RTKN2: variants seen among roughly 807,000 people sequenced by gnomAD.
The protein encoded by RTKN2 is rhotekin 2, also known as rhotekin-2.
RTKN2 carries 69 observed loss-of-function variants against 71.5 expected under a neutral mutation model. That is an observed-to-expected ratio of 0.96 (90% CI 0.79 to 1.18). RTKN2 has a LOEUF of 1.18. RTKN2 is among the 50% of genes most tolerant of loss of function. The pLI is 0.00. For synonymous variants in RTKN2, 236 were observed against 236.5 expected (o/e 1.00, Z 0.02); for missense variants, 724 against 719.7 (o/e 1.01, Z -0.07).
downstream of RTKN2, among the ~76,000 whole-genome samples, chr10:62,192,822 T>C (rs1045582609): frequency 2.0e-5 from 3 of 152,192 alleles, no homozygotes; most frequent in African/African-American, 7.2e-5. Flanking sequence ...TGGGTTGTAA[T>C]GGTTTCTGTA....
At position 62,193,342 on chromosome 10, in the gene RTKN2, A is replaced by T; in HGVS notation, c.*4566T>A. ...AGCAAACTGCTGGAATTTAAAACACAATTTTCCATAAGATCTGGAATGATC... is the reference window on the plus strand; with the variant it reads ...AGCAAACTGCTGGAATTTAAAACACTATTTTCCATAAGATCTGGAATGATC... On this transcript the variant is annotated 3_prime_UTR_variant, in exon 12 of 12. Coordinates refer to ENST00000373789, the MANE Select transcript of RTKN2 (RefSeq NM_145307.4). The T allele has an allele frequency of 1.0e-6, 1 of 981,082 alleles. No individual in the cohort carries two copies. Among genetic ancestry groups the T allele is most frequent in the Non-Finnish European group, 1.2e-6 (1 of 826,034 alleles). 60.8% of individuals were successfully genotyped at this position (981,082 alleles called of 1,614,324 possible).
At chr10:62,227,598 G>C (rs1322059060) in intron 6 of RTKN2, among the ~76,000 whole-genome samples, 3 of 152,158 alleles carry the variant, frequency 2.0e-5, no homozygotes, top group Admixed American at 1.3e-4. Context: ...GGCACGGTAA[G>C]GAACACTGGA....
At chr10:62,189,505 T>A (rs1473063046), downstream of RTKN2, among the ~76,000 whole-genome samples, 2 of 152,186 alleles carry the variant, frequency 1.3e-5, no homozygotes, top group Non-Finnish European at 1.5e-5. Context: ...CATTCTTCAG[T>A]CTTCTGAGTG....
chr10:62,237,473 A>G (rs186534066), intron 5 of RTKN2, among the ~76,000 whole-genome samples: 63 of 152,062 alleles, frequency 4.1e-4, no homozygotes, highest in Admixed American at 7.2e-4. Flanking sequence ...TCTTAACTCA[A>G]TTTAACCAAT....
At chr10:62,211,003 C>T (rs4453109) in intron 9 of RTKN2, among the ~76,000 whole-genome samples, 3,355 of 152,110 alleles carry the variant, frequency 0.022, 100 homozygotes, top group African/African-American at 0.076. Flanking sequence ...AAGTCTACTA[C>T]ACTAAATAGT....
intron 6 of RTKN2, among the ~76,000 whole-genome samples, chr10:62,226,644 T>C (rs74156138): frequency 0.16 from 25,039 of 152,256 alleles, 2,168 homozygotes; most frequent in African/African-American, 0.19. Context: ...TCTTAACTGC[T>C]GCTAGAACTA....
At chr10:62,227,055 CAGAATATGTTATTTTCA>C (rs1842040647) in intron 6 of RTKN2, among the ~76,000 whole-genome samples, 1 of 152,120 alleles carries the variant, frequency 6.6e-6, no homozygotes, top group South Asian at 2.1e-4. Flanking sequence ...CACTTTAGGG[CAGAATATGTTATTTTCA>C]AGAAAAGATT....
At chr10:62,250,963 T>A (rs1842569451) in intron 2 of RTKN2, among the ~76,000 whole-genome samples, 1 of 152,154 alleles carries the variant, frequency 6.6e-6, no homozygotes, top group African/African-American at 2.4e-5. Context: ...TGCACACCAT[T>A]CTGAGTAGTG....
chr10:62,257,791 A>C (rs1842701756), intron 2 of RTKN2, among the ~76,000 whole-genome samples: 1 of 152,214 alleles, frequency 6.6e-6, no homozygotes, highest in East Asian at 1.9e-4. Flanking sequence ...ATAGTTTACT[A>C]GTCAAAAGTC....
Position 62,198,203 on chromosome 10 carries a change from A to G in RTKN2, c.1535T>C (p.Leu512Pro), listed in dbSNP as rs749803270. 4 of 1,614,108 alleles carry G rather than the reference A, an allele frequency of 2.5e-6. No individual in the cohort carries two copies. The Admixed American group carries it at 5.0e-5, about 20-fold the overall frequency. The change falls in exon 12 of 12, where the codon CTT becomes CCT. Residue 512 changes from leucine to proline, a missense_variant. Coordinates refer to ENST00000373789, the MANE Select transcript of RTKN2 (RefSeq NM_145307.4). Reference protein sequence around the residue: ...RQAPLPPSDKLPFSLKSQSNT... With the variant: ...RQAPLPPSDKPPFSLKSQSNT... The stretch of plus-strand genomic sequence containing the variant: ...ACTCTGTGATTTTAAGCTGAATGGA[A>G]GTTTATCAGAAGGAGGAAGGGGAGC...
chr10:62,192,047 G>GT (rs148963022), downstream of RTKN2, among the ~76,000 whole-genome samples: 179 of 150,314 alleles, frequency 1.2e-3, no homozygotes, highest in Non-Finnish European at 2.0e-3. Flanking sequence ...ATATTATAAG[G>GT]TTTTTTTTTA....
At chr10:62,243,880 C>T (rs1242732211) in intron 3 of RTKN2, among the ~76,000 whole-genome samples, 2 of 152,104 alleles carry the variant, frequency 1.3e-5, no homozygotes, top group East Asian at 3.8e-4. Flanking sequence ...AAAGTGAAAA[C>T]TAAGGTACTT....
At chr10:62,201,898 C>T (rs185787692) in intron 10 of RTKN2, among the ~76,000 whole-genome samples, 211 of 151,932 alleles carry the variant, frequency 1.4e-3, no homozygotes, top group African/African-American at 4.4e-3. Context: ...AAAACAAGGG[C>T]GCAATATGAA....
chr10:62,265,832 C>T (rs562320361), intron 1 of RTKN2, among the ~76,000 whole-genome samples: 15 of 152,080 alleles, frequency 9.9e-5, no homozygotes, highest in African/African-American at 3.6e-4. Flanking sequence ...ATAAGGGTAC[C>T]GATTGGGCAT....
In RTKN2 at chr10:62,198,224, G is replaced by A; in HGVS notation, c.1514C>T (p.Pro505Leu). 1.9e-6 allele frequency: 3 copies of A among 1,613,954 alleles called. No individual in the cohort carries two copies. Among genetic ancestry groups the A allele is most frequent in the East Asian group, 2.2e-5 (1 of 44,880 alleles). The change falls in exon 12 of 12, where the codon CCC (proline) becomes CTC (leucine). Residue 505 changes from proline (P) to leucine (L), a missense_variant. Transcript: ENST00000373789. ...TGGAAGTTTATCAGAAGGAGGAAGG[G>A]GAGCTTGTCTCTTTTTCCCTTTTTC... Reference protein sequence around the residue: ...HDEKGKKRQAPLPPSDKLPFS... With the variant: ...HDEKGKKRQALLPPSDKLPFS...
intron 7 of RTKN2, among the ~76,000 whole-genome samples, chr10:62,221,539 T>C (rs1278112899): frequency 9.9e-5 from 15 of 152,100 alleles, no homozygotes; most frequent in Admixed American, 9.8e-4. Flanking sequence ...GGCATGTTTG[T>C]AACATAAAAA....
intron 6 of RTKN2, 72 bp from the exon 7 acceptor site, chr10:62,223,404 C>T (rs997591644): frequency 1.1e-6 from 1 of 880,944 alleles, no homozygotes; most frequent in Non-Finnish European, 1.9e-6. Context: ...TTTGTATGTT[C>T]AACAACAAAT....
At position 62,197,188 on chromosome 10, in the gene RTKN2, T is replaced by C. The variant is rs573859125; in HGVS notation, c.*720A>G. The C allele has an allele frequency of 3.2e-4, 317 of 985,604 alleles. No homozygotes were observed. In the South Asian group the frequency reaches 7.1e-3, roughly 22 times the overall value. 61.1% of individuals were successfully genotyped at this position (985,604 alleles called of 1,614,324 possible). ...GGAAATTAGCACCACACACAGAAAA[T>C]TGAATGTAAAGAGCATTTCATCTAC... On this transcript the variant is annotated 3_prime_UTR_variant, in exon 12 of 12. Coordinates refer to ENST00000373789, the MANE Select transcript of RTKN2 (RefSeq NM_145307.4).
chr10:62,229,058 T>C (rs1394485109), intron 6 of RTKN2, among the ~76,000 whole-genome samples: 1 of 152,212 alleles, frequency 6.6e-6, no homozygotes, highest in African/African-American at 2.4e-5. Context: ...GACCAGGAAG[T>C]ATAACTGTTT....
Sources: gnomAD v4.1 joint callset for allele counts (sites outside exome capture counted in the v4.1 genomes callset) on GRCh38, gnomAD v4.1.1 for gene constraint, MANE v1.5 for transcripts, NCBI Gene and HGNC (gene_info 2026-07-23, HGNC 2026-07-21) for gene names.